Variants in HIVEP3 observed in about 807,000 individuals in gnomAD.
The protein encoded by HIVEP3 is transcription factor HIVEP3.
In HIVEP3, 49 loss-of-function variants were observed where a neutral mutation model predicts 152.8. That is an observed-to-expected ratio of 0.32 (90% CI 0.26 to 0.41). The LOEUF is 0.41. HIVEP3 is among the 10% of genes least tolerant of loss of function. The pLI is 1.00. For missense variants in HIVEP3, 2,790 were observed against 3,103.3 expected, an observed-to-expected ratio of 0.90 and a Z score of 2.40; for synonymous variants, 1,269 against 1,289.0, an observed-to-expected ratio of 0.98 and a Z score of 0.33.
chr1:41,974,841 G>A (rs1037842422), intron 1 of HIVEP3, among the ~76,000 whole-genome samples: 6 of 150,452 alleles, frequency 4.0e-5, no homozygotes, highest in Admixed American at 2.0e-4. Flanking sequence ...CTAGTACAGC[G>A]GTTGGCTCCA....
intron 1 of HIVEP3, among the ~76,000 whole-genome samples, chr1:41,709,744 C>A (rs772933575): frequency 6.6e-6 from 1 of 152,206 alleles, no homozygotes; most frequent in African/African-American, 2.4e-5. Context: ...TATGCTGAGT[C>A]ACTGACACGG....
intron 1 of HIVEP3, among the ~76,000 whole-genome samples, chr1:41,983,267 T>G (rs1645304041): frequency 6.6e-6 from 1 of 152,138 alleles, no homozygotes; most frequent in Non-Finnish European, 1.5e-5. Context: ...TACTATAAAT[T>G]TAAAGCCCTA....
intron 1 of HIVEP3, among the ~76,000 whole-genome samples, chr1:41,799,702 G>T (rs1412610757): frequency 6.6e-6 from 1 of 151,922 alleles, no homozygotes; most frequent in Non-Finnish European, 1.5e-5. Context: ...TTTCTTAGTT[G>T]CATGAGATCA....
intron 5 of HIVEP3, among the ~76,000 whole-genome samples, chr1:41,527,017 C>A (rs1642973986): frequency 2.7e-5 from 3 of 112,664 alleles, no homozygotes; most frequent in Admixed American, 9.0e-5. Flanking sequence ...GCTTACACCC[C>A]CACACTCACC....
intron 1 of HIVEP3, among the ~76,000 whole-genome samples, chr1:41,744,081 C>A (rs539287467): frequency 2.6e-5 from 4 of 152,148 alleles, no homozygotes. Flanking sequence ...ACTCTGTCGC[C>A]GATGCTGGAG....
At chr1:42,025,684 G>A (rs1008692387) in intron 1 of HIVEP3, among the ~76,000 whole-genome samples, 3 of 152,216 alleles carry the variant, frequency 2.0e-5, no homozygotes, top group Non-Finnish European at 4.4e-5. Context: ...TAGGAACCTG[G>A]AACTGGTTCT....
chr1:41,579,666 A>G (rs1644370013), intron 4 of HIVEP3, 71 bp downstream of exon 4: 1 of 1,500,596 alleles, frequency 6.7e-7, no homozygotes, highest in Non-Finnish European at 8.9e-7. Flanking sequence ...ACCTGAGGAT[A>G]CTGTGGCTTT....
intron 1 of HIVEP3, among the ~76,000 whole-genome samples, chr1:41,909,711 C>T (rs1015592595): frequency 5.3e-5 from 8 of 152,072 alleles, no homozygotes; most frequent in Non-Finnish European, 8.8e-5. Context: ...CCAAGCCTTA[C>T]AGTAAGCTTC....
At chr1:42,007,189 A>G (rs1645464901) in intron 1 of HIVEP3, among the ~76,000 whole-genome samples, 1 of 152,206 alleles carries the variant, frequency 6.6e-6, no homozygotes, top group South Asian at 2.1e-4. Context: ...GCAGAGAGAG[A>G]GCCTGATCAA....
chr1:41,859,959 G>A (rs1643867152), intron 1 of HIVEP3, among the ~76,000 whole-genome samples: 1 of 152,198 alleles, frequency 6.6e-6, no homozygotes, highest in East Asian at 1.9e-4. Flanking sequence ...CAGGGAACTG[G>A]GCATCTCTGT....
intron 1 of HIVEP3, among the ~76,000 whole-genome samples, chr1:41,783,034 C>T (rs1334217530): frequency 6.6e-6 from 1 of 152,174 alleles, no homozygotes; most frequent in African/African-American, 2.4e-5. Flanking sequence ...AAACCAGGTT[C>T]CAGGGCTCCT....
chr1:42,030,362 C>T lies in HIVEP3; in HGVS notation n.119+5445G>A, dbSNP rs769347276. ...CAGAGAAGCCAAAAGATTGGATAACCCTGCCCTAGAGGGTCATGCAACAGG... is the reference window on the plus strand; with the variant it reads ...CAGAGAAGCCAAAAGATTGGATAACTCTGCCCTAGAGGGTCATGCAACAGG... On this transcript the variant is annotated intron_variant and non_coding_transcript_variant, in intron 1 of 3. Coordinates refer to the HIVEP3 transcript ENST00000489103. Among the ~76,000 whole-genome samples the T allele has an allele frequency of 2.6e-4, 40 of 152,114 alleles. 1 individual carries two copies. Among genetic ancestry groups the T allele is most frequent in the Admixed American group, 7.9e-4 (12 of 15,270 alleles).
chr1:41,919,940 A>G (rs1644926869), upstream of HIVEP3, among the ~76,000 whole-genome samples: 1 of 152,184 alleles, frequency 6.6e-6, no homozygotes, highest in Admixed American at 6.5e-5. Context: ...GTTCCCGCCT[A>G]AGAGCAGCGG....
chr1:41,582,737 C>T lies in HIVEP3; in HGVS notation c.2061G>A (p.Lys687=). The T allele has an allele frequency of 6.2e-7, 1 of 1,614,206 alleles. No individual in the cohort carries two copies. Among genetic ancestry groups the T allele is most frequent in the Non-Finnish European group, 8.5e-7 (1 of 1,180,020 alleles). Residue 687 remains lysine (K), a synonymous_variant, in exon 4 of 9, where the codon AAG becomes AAA. Transcript: ENST00000372583. This position sits in a 1 kb window ranked among gnomAD's most constrained non-coding sequence, Gnocchi z 4.7. ...AGTHTSPEAE[K]SQIEHEPWSQ... is the part of the protein sequence containing the mutation. ...ACCACGGCTCATGCTCAATCTGACT[C>T]TTTTCAGCTTCTGGAGATGTGTGGG...
intron 1 of HIVEP3, among the ~76,000 whole-genome samples, chr1:41,805,735 G>T (rs573608510): frequency 6.6e-6 from 1 of 152,360 alleles, no homozygotes; most frequent in Non-Finnish European, 1.5e-5. Context: ...GAGCCAGAGA[G>T]AAGGGAATAA....
Position 41,750,488 on chromosome 1 carries a change from TTC to T in HIVEP3, c.-800-49495_-800-49494del, listed in dbSNP as rs200657242. Among the ~76,000 whole-genome samples the T allele has an allele frequency of 2.1e-3, 324 of 152,320 alleles. 4 individuals are homozygous for T. Among genetic ancestry groups the T allele is most frequent in the East Asian group, 6.2e-3 (32 of 5,188 alleles). On this transcript the variant is annotated intron_variant, in intron 1 of 8. Transcript: ENST00000372583. The stretch of plus-strand genomic sequence containing the variant: ...AACCTTGTTACAAGGCAGAATCAGA[TTC>T]TGCAGGTCTGGGCTGGGGCTGGGCC...
At chr1:41,738,009 C>T (rs922056590) in intron 1 of HIVEP3, among the ~76,000 whole-genome samples, 1 of 152,198 alleles carries the variant, frequency 6.6e-6, no homozygotes, top group Non-Finnish European at 1.5e-5. Context: ...CATGCCATGT[C>T]TATAGAGGAC....
intron 1 of HIVEP3, among the ~76,000 whole-genome samples, chr1:41,861,052 G>A (rs961397291): frequency 2.0e-5 from 3 of 152,200 alleles, no homozygotes; most frequent in Non-Finnish European, 2.9e-5. Flanking sequence ...CAGCACACTC[G>A]AGCCAGGGCA....
intron 1 of HIVEP3, among the ~76,000 whole-genome samples, chr1:42,019,368 T>C (rs1221667851): frequency 6.6e-6 from 1 of 152,064 alleles, no homozygotes; most frequent in Non-Finnish European, 1.5e-5. Flanking sequence ...ATCCATTCTA[T>C]GAACATGGTA....
Sources: gnomAD v4.1 joint callset for allele counts (sites outside exome capture counted in the v4.1 genomes callset) on GRCh38, gnomAD v4.1.1 for gene constraint, Gnocchi (gnomAD v3.1) non-coding constraint, MANE v1.5 for transcripts, NCBI Gene and HGNC (gene_info 2026-07-23, HGNC 2026-07-21) for gene names.